Variants in LPP observed in about 807,000 individuals in gnomAD.
The protein encoded by LPP is LIM domain containing preferred translocation partner in lipoma.
LPP carries 38 observed loss-of-function variants against 60.4 expected under a neutral mutation model. The observed-to-expected ratio is 0.63, with a 90% CI of 0.49 to 0.83. The LOEUF is 0.83. Among genes scored for constraint, LPP ranks in the 40% least tolerant of loss-of-function variants. The probability of loss-of-function intolerance (pLI) is 0.00; values close to 1 mark genes in which losing one functional copy is unlikely to be tolerated. For missense variants in LPP, 902 were observed against 783.6 expected, an observed-to-expected ratio of 1.15 and a Z score of -1.80; for synonymous variants, 328 against 290.8, an observed-to-expected ratio of 1.13 and a Z score of -1.30.
chr3:188,837,498 TA>T (rs1758791923), intron 9 of LPP, among the ~76,000 whole-genome samples: 1 of 151,992 alleles, frequency 6.6e-6, no homozygotes, highest in Non-Finnish European at 1.5e-5. Context: ...TGTTCACAGC[TA>T]AATTTGATTT....
chr3:188,492,868 A>C (rs17604797), intron 5 of LPP, among the ~76,000 whole-genome samples: 3 of 152,044 alleles, frequency 2.0e-5, no homozygotes, highest in Admixed American at 6.5e-5. Context: ...TCCATCCCAC[A>C]TTCTATTAAA....
At chr3:188,567,739 CA>C (rs1407945703) in intron 6 of LPP, among the ~76,000 whole-genome samples, 1 of 151,958 alleles carries the variant, frequency 6.6e-6, no homozygotes, top group East Asian at 1.9e-4. Context: ...AGATATTACA[CA>C]ACTGCCAAAT....
At chr3:188,175,840 T>TG (rs1382532299) in intron 1 of LPP, among the ~76,000 whole-genome samples, 2,119 of 152,116 alleles carry the variant, frequency 0.014, 45 homozygotes, top group African/African-American at 0.049. Flanking sequence ...TTGTACATGT[T>TG]AATTTTTTTT....
At chr3:188,560,476 C>T (rs1830422541) in intron 6 of LPP, among the ~76,000 whole-genome samples, 3 of 152,098 alleles carry the variant, frequency 2.0e-5, no homozygotes, top group Admixed American at 2.0e-4. Context: ...GAGAAAGAGT[C>T]ATGAAGTGGG....
At chr3:188,542,841 C>T (rs755701637) in intron 6 of LPP, among the ~76,000 whole-genome samples, 2 of 152,126 alleles carry the variant, frequency 1.3e-5, no homozygotes, top group Non-Finnish European at 1.5e-5. Context: ...TTCTTGAAGC[C>T]TCAGGTACAT....
intron 2 of LPP, among the ~76,000 whole-genome samples, chr3:188,268,497 G>A (rs1195397659): frequency 1.3e-5 from 2 of 152,220 alleles, no homozygotes; most frequent in Admixed American, 6.5e-5. Flanking sequence ...TACAGAAACA[G>A]CTGGACTGGT....
intron 1 of LPP, among the ~76,000 whole-genome samples, chr3:188,177,399 G>A (rs1471712268): frequency 6.6e-6 from 1 of 152,170 alleles, no homozygotes; most frequent in African/African-American, 2.4e-5. Context: ...CACATTTTCA[G>A]TTCTGCTCCC....
At chr3:188,686,187 CAA>C (rs1165398086) in intron 7 of LPP, among the ~76,000 whole-genome samples, 1 of 152,060 alleles carries the variant, frequency 6.6e-6, no homozygotes, top group African/African-American at 2.4e-5. Context: ...ATATATTACT[CAA>C]TAAATGTAGC....
At chr3:188,659,514 T>A (rs1310568788) in intron 7 of LPP, among the ~76,000 whole-genome samples, 1 of 152,224 alleles carries the variant, frequency 6.6e-6, no homozygotes, top group African/African-American at 2.4e-5. Context: ...AATATATTTA[T>A]TCAACAAATG....
At chr3:188,801,419 T>G (rs1747229688) in intron 9 of LPP, among the ~76,000 whole-genome samples, 1 of 152,216 alleles carries the variant, frequency 6.6e-6, no homozygotes, top group African/African-American at 2.4e-5. Flanking sequence ...TAGAGGCACA[T>G]ACGTCTATAA....
chr3:188,640,865 A>C (rs1198492661), intron 7 of LPP, among the ~76,000 whole-genome samples: 1 of 152,214 alleles, frequency 6.6e-6, no homozygotes, highest in African/African-American at 2.4e-5. Context: ...TGTAATCACA[A>C]CTTCCCATAC....
intron 9 of LPP, among the ~76,000 whole-genome samples, chr3:188,822,815 T>G (rs985798498): frequency 3.3e-5 from 5 of 152,180 alleles, no homozygotes; most frequent in Admixed American, 2.0e-4. Flanking sequence ...TTTCCAGGAA[T>G]GCATTGTGTC....
At chr3:188,752,179 A>G (rs947200061) in intron 8 of LPP, among the ~76,000 whole-genome samples, 2 of 152,230 alleles carry the variant, frequency 1.3e-5, no homozygotes, top group South Asian at 2.1e-4. Flanking sequence ...TAAGGCAGTT[A>G]TGATCATCTC....
At chr3:188,376,334 G>T (rs1330516857) in intron 3 of LPP, among the ~76,000 whole-genome samples, 1 of 152,048 alleles carries the variant, frequency 6.6e-6, no homozygotes, top group African/African-American at 2.4e-5. Flanking sequence ...TATTGTGTGG[G>T]AGTCTAAGTC....
chr3:188,203,522 TATAAA>T (rs1732015107), intron 1 of LPP, among the ~76,000 whole-genome samples: 1 of 83,178 alleles, frequency 1.2e-5, no homozygotes, highest in Non-Finnish European at 2.1e-5. Flanking sequence ...TTTAAATATA[TATAAA>T]TATATATTTA....
chr3:188,494,742 G>T (rs12488120), intron 5 of LPP, among the ~76,000 whole-genome samples: 84,344 of 151,612 alleles, frequency 0.56, 26,681 homozygotes, highest in Non-Finnish European at 0.7. Context: ...TGCTCTTCCA[G>T]GCTTCCTGGG....
intron 8 of LPP, among the ~76,000 whole-genome samples, chr3:188,753,856 T>C (rs1577352800): frequency 2.0e-5 from 3 of 152,124 alleles, no homozygotes; most frequent in East Asian, 1.9e-4. Context: ...TTTCCCCCAC[T>C]AGCCACGTAC....
Position 188,407,790 on chromosome 3 carries a change from T to TTTTTTTTG in LPP, c.193+1484_193+1485insGTTTTTTT, listed in dbSNP as rs1783975591. ...ATGGTTTTTTTTTTTGTTTGTTTGTTTTTTTTTTTTTTTTTTTGAGATGGA... is the reference window on the plus strand; with the variant it reads ...ATGGTTTTTTTTTTTGTTTGTTTGTTTTTTTTTGTTTTTTTTTTTTTTTTTGAGATGGA... On this transcript the variant is annotated intron_variant, in intron 4 of 11. Coordinates refer to ENST00000617246, the MANE Select transcript of LPP (RefSeq NM_001375462.1). Among the ~76,000 whole-genome samples the TTTTTTTTG allele has an allele frequency of 3.9e-5, 3 of 76,322 alleles. No individual in the cohort carries two copies. In the East Asian group the frequency reaches 1.5e-3, roughly 38 times the overall value. The allele number at this position is 76,322 out of a possible 152,430, so 50.1% of individuals were successfully genotyped here. A position where few individuals can be genotyped will look rare whatever the true frequency, so the allele number is the denominator to read the frequency against.
At chr3:188,578,515 A>T (rs1835294972) in intron 6 of LPP, among the ~76,000 whole-genome samples, 1 of 152,162 alleles carries the variant, frequency 6.6e-6, no homozygotes, top group Non-Finnish European at 1.5e-5. Flanking sequence ...TTATTATAAT[A>T]TTAACTTAAT....
Sources: allele counts gnomAD v4.1 joint callset (sites outside exome capture counted in the v4.1 genomes callset), GRCh38; gene constraint gnomAD v4.1.1; transcripts MANE v1.5; gene names NCBI Gene and HGNC (gene_info 2026-07-23, HGNC 2026-07-21).